The following TANC1 variants were observed in gnomAD, a reference collection of about 807,000 sequenced individuals.
TANC1 encodes protein TANC1.
TANC1 carries 77 observed loss-of-function variants against 149.7 expected under a neutral mutation model. The observed-to-expected ratio is 0.51, with a 90% CI of 0.43 to 0.62. The LOEUF is 0.62. TANC1 is among the 20% of genes least tolerant of loss of function. The pLI is 0.00. For synonymous variants in TANC1, 854 were observed against 925.0 expected (o/e 0.92, Z 1.39); for missense variants, 1,985 against 2,321.8 (o/e 0.85, Z 2.98).
At chr2:159,005,049 A>G (rs931893459) in intron 2 of TANC1, among the ~76,000 whole-genome samples, 2 of 152,230 alleles carry the variant, frequency 1.3e-5, no homozygotes, top group African/African-American at 4.8e-5. Flanking sequence ...ACATGTCCTT[A>G]AGGCGCAGAT....
At chr2:159,135,718 G>C (rs1314984330) in intron 4 of TANC1, among the ~76,000 whole-genome samples, 1 of 152,218 alleles carries the variant, frequency 6.6e-6, no homozygotes, top group Non-Finnish European at 1.5e-5. Flanking sequence ...GCTGTTACAG[G>C]CCGGCTGTTT....
chr2:159,076,314 C>T (rs965263923), intron 3 of TANC1, among the ~76,000 whole-genome samples: 9 of 152,062 alleles, frequency 5.9e-5, no homozygotes, highest in East Asian at 1.9e-4. Flanking sequence ...AGTTTCTCTG[C>T]GTTGTTAACA....
chr2:159,099,874 C>A (rs981521856), intron 4 of TANC1, among the ~76,000 whole-genome samples: 1 of 152,134 alleles, frequency 6.6e-6, no homozygotes, highest in Non-Finnish European at 1.5e-5. Context: ...TCAACTCTTT[C>A]CCTAACTGCA....
chr2:159,124,112 C>A (rs1399624463), intron 4 of TANC1, among the ~76,000 whole-genome samples: 1 of 152,178 alleles, frequency 6.6e-6, no homozygotes, highest in East Asian at 1.9e-4. Context: ...AATCCCAGCA[C>A]TTTGGGAAGC....
intron 9 of TANC1, 136 bp from the exon 10 acceptor site, chr2:159,170,388 G>A (rs2055071397): frequency 5.2e-6 from 4 of 775,906 alleles, no homozygotes; most frequent in African/African-American, 3.5e-5. Context: ...AATAGAACGA[G>A]ATTGGAAATG....
chr2:159,020,889 C>G (rs2038775939), intron 2 of TANC1, among the ~76,000 whole-genome samples: 1 of 151,212 alleles, frequency 6.6e-6, no homozygotes, highest in African/African-American at 2.4e-5. Context: ...TTTTTCCTGG[C>G]CTCGGGTCCA....
chr2:159,059,120 T>C (rs906974942), intron 2 of TANC1, among the ~76,000 whole-genome samples: 2 of 152,314 alleles, frequency 1.3e-5, no homozygotes, highest in African/African-American at 4.8e-5. Context: ...GCTTGTAGAA[T>C]GGGTTGTTGA....
At chr2:159,083,874 G>GA (rs1364104564) in intron 3 of TANC1, among the ~76,000 whole-genome samples, 2 of 151,338 alleles carry the variant, frequency 1.3e-5, no homozygotes, top group Non-Finnish European at 2.9e-5. Context: ...ACTGAGCAGT[G>GA]AATTTTTTTT....
chr2:159,111,381 C>T (rs542235760), intron 4 of TANC1, among the ~76,000 whole-genome samples: 1 of 152,330 alleles, frequency 6.6e-6, no homozygotes, highest in East Asian at 1.9e-4. Context: ...CACAGGTGCT[C>T]CTTACACAGG....
intron 18 of TANC1, among the ~76,000 whole-genome samples, chr2:159,198,164 G>T (rs535024027): frequency 2.6e-4 from 39 of 152,266 alleles, no homozygotes; most frequent in African/African-American, 8.9e-4. Context: ...TAAGAGGATG[G>T]TTGTGATTGA....
Position 158,988,431 on chromosome 2 carries a change from G to A in TANC1, c.-125-12649G>A, listed in dbSNP as rs569523070. On this transcript the variant is annotated intron_variant, in intron 1 of 26. Coordinates refer to ENST00000263635, the MANE Select transcript of TANC1 (RefSeq NM_033394.3). ...TGGGATAATTTTTACTTTCTCTCCC[G>A]GGAGCAAGATTTGGGTTCATTAACT... Among the ~76,000 whole-genome samples the A allele has an allele frequency of 2.1e-4, 32 of 151,858 alleles. 1 individual carries two copies. The highest frequency in any genetic ancestry group is 6.8e-4 in the African/African-American group (28 of 41,392).
chr2:159,020,849 G>A lies in TANC1; in HGVS notation c.-16+19660G>A, dbSNP rs566536948. Among the ~76,000 whole-genome samples the A allele has an allele frequency of 2.6e-5, 4 of 151,878 alleles. No homozygotes were observed. In the East Asian group the frequency reaches 5.8e-4, roughly 22 times the overall value. On this transcript the variant is annotated intron_variant, in intron 2 of 26. Coordinates refer to ENST00000263635, the MANE Select transcript of TANC1 (RefSeq NM_033394.3). ...ATAGACAATCTTCTTGGACACACCTGTGGTGTGGGGCAGTCAGTCTCTTTT... is the reference window on the plus strand; with the variant it reads ...ATAGACAATCTTCTTGGACACACCTATGGTGTGGGGCAGTCAGTCTCTTTT...
At chr2:159,046,750 G>GGC (rs2041088016) in intron 2 of TANC1, among the ~76,000 whole-genome samples, 1 of 150,804 alleles carries the variant, frequency 6.6e-6, no homozygotes, top group Admixed American at 6.6e-5. Context: ...ACAGGCGCGA[G>GGC]GCACCAGGCC....
intron 2 of TANC1, among the ~76,000 whole-genome samples, chr2:159,023,282 G>T (rs1311811324): frequency 6.6e-6 from 1 of 152,122 alleles, no homozygotes; most frequent in Non-Finnish European, 1.5e-5. Flanking sequence ...TGTATGTAAA[G>T]TGGACAGAAT....
At chr2:159,057,133 G>T (rs980809916) in intron 2 of TANC1, among the ~76,000 whole-genome samples, 1 of 152,032 alleles carries the variant, frequency 6.6e-6, no homozygotes, top group African/African-American at 2.4e-5. Flanking sequence ...TCCTTCTGTT[G>T]CCCAGGCTGG....
intron 4 of TANC1, 125 bp from the exon 5 acceptor site, chr2:159,136,069 G>T (rs2050707653): frequency 1.3e-4 from 66 of 499,420 alleles, no homozygotes; most frequent in East Asian, 2.7e-4. Flanking sequence ...CGCGTTTAAG[G>T]GAGGGGAAGG....
chr2:159,038,510 T>C (rs754676279), intron 2 of TANC1, among the ~76,000 whole-genome samples: 1 of 152,220 alleles, frequency 6.6e-6, no homozygotes, highest in Non-Finnish European at 1.5e-5. Flanking sequence ...GCTCTTATTA[T>C]TTTGAGATAC....
At chr2:159,209,939 T>A (rs1464622169) in intron 19 of TANC1, among the ~76,000 whole-genome samples, 1 of 152,172 alleles carries the variant, frequency 6.6e-6, no homozygotes, top group Non-Finnish European at 1.5e-5. Flanking sequence ...CATTTTCCAC[T>A]CATTTTTTAA....
intron 1 of TANC1, among the ~76,000 whole-genome samples, chr2:158,989,000 A>G (rs1267287466): frequency 6.6e-6 from 1 of 152,074 alleles, no homozygotes; most frequent in Non-Finnish European, 1.5e-5. Context: ...TTAATGAGTG[A>G]TATGGGGACT....
Sources: allele counts gnomAD v4.1 joint callset (sites outside exome capture counted in the v4.1 genomes callset), GRCh38; gene constraint gnomAD v4.1.1; transcripts MANE v1.5; gene names NCBI Gene and HGNC (gene_info 2026-07-23, HGNC 2026-07-21).